MAML2: variants seen among roughly 807,000 people sequenced by gnomAD.
The protein encoded by MAML2 is mastermind-like protein 2.
Under a neutral mutation model 96.1 loss-of-function variants are expected in MAML2, and 22 were observed. That is an observed-to-expected ratio of 0.23 (90% CI 0.16 to 0.33). The LOEUF (loss-of-function observed/expected upper bound fraction) is 0.33. Among genes scored for constraint, MAML2 ranks in the 10% least tolerant of loss-of-function variants. The pLI, the probability that MAML2 is intolerant of heterozygous loss-of-function variation, is 1.00. For synonymous variants in MAML2, 561 were observed against 521.3 expected (o/e 1.08, Z -1.04); for missense variants, 1,367 against 1,392.4 (o/e 0.98, Z 0.29).
rs113752139 is a variant in MAML2, at chr11:96,335,274, A to G, written c.513+6109T>C. Among the ~76,000 whole-genome samples, 467 of 152,344 alleles carry G rather than the reference A, an allele frequency of 3.1e-3. 3 individuals are homozygous for G. The highest frequency in any genetic ancestry group is 0.01 in the African/African-American group (431 of 41,588). On this transcript the variant is annotated intron_variant, in intron 1 of 4. Transcript: ENST00000524717. ...ATGCTTTTCTCACGAATTTTTGTTC[A>G]TGATTTTTTTAATAATGAGAATACC...
chr11:96,260,376 C>T (rs956123061), intron 1 of MAML2, among the ~76,000 whole-genome samples: 1 of 152,210 alleles, frequency 6.6e-6, no homozygotes, highest in African/African-American at 2.4e-5. Context: ...ACACCCTTCT[C>T]AACTGTCTTA....
intron 1 of MAML2, among the ~76,000 whole-genome samples, chr11:96,243,943 G>C (rs558650367): frequency 6.6e-6 from 1 of 152,314 alleles, no homozygotes; most frequent in African/African-American, 2.4e-5. Context: ...GCCCGGCCCA[G>C]TCATCCTTCT....
At chr11:96,013,103 G>A (rs1169563819) in intron 2 of MAML2, among the ~76,000 whole-genome samples, 1 of 152,206 alleles carries the variant, frequency 6.6e-6, no homozygotes, top group Non-Finnish European at 1.5e-5. Context: ...GAGCTCAGGT[G>A]AAAAGAGAGA....
intron 1 of MAML2, among the ~76,000 whole-genome samples, chr11:96,101,912 T>C (rs926875368): frequency 6.6e-6 from 1 of 152,238 alleles, no homozygotes; most frequent in Non-Finnish European, 1.5e-5. Flanking sequence ...TCTATAAGGG[T>C]GCCTACATCA....
At chr11:96,252,021 C>A (rs1022104145) in intron 1 of MAML2, among the ~76,000 whole-genome samples, 1 of 152,040 alleles carries the variant, frequency 6.6e-6, no homozygotes, top group Non-Finnish European at 1.5e-5. Flanking sequence ...CATGAGCCAC[C>A]GCGCCCAGTC....
intron 1 of MAML2, among the ~76,000 whole-genome samples, chr11:96,114,574 G>A (rs1591021435): frequency 6.6e-6 from 1 of 152,140 alleles, no homozygotes; most frequent in African/African-American, 2.4e-5. Context: ...GATTTATATT[G>A]TTGGCTGTGC....
intron 1 of MAML2, among the ~76,000 whole-genome samples, chr11:96,341,046 G>T (rs929008601): frequency 1.3e-5 from 2 of 152,152 alleles, no homozygotes; most frequent in Admixed American, 6.5e-5. Flanking sequence ...AAAGCTGGAG[G>T]ATCCATGAGA....
chr11:96,122,503 T>G (rs1473637874), intron 1 of MAML2, among the ~76,000 whole-genome samples: 12 of 94,364 alleles, frequency 1.3e-4, no homozygotes, highest in Admixed American at 6.2e-4. Context: ...GCTGGGTGTG[T>G]GTGTGTGTGT....
At chr11:96,048,138 C>T (rs1276283020) in intron 2 of MAML2, among the ~76,000 whole-genome samples, 1 of 152,090 alleles carries the variant, frequency 6.6e-6, no homozygotes, top group Non-Finnish European at 1.5e-5. Flanking sequence ...CCAGTACCCA[C>T]TCTAGTTACC....
chr11:96,131,959 G>A (rs11604533), intron 1 of MAML2, among the ~76,000 whole-genome samples: 20,891 of 152,168 alleles, frequency 0.14, 1,621 homozygotes, highest in African/African-American at 0.18. Flanking sequence ...GCAGTGAGCC[G>A]AGACTGTGCT....
intron 2 of MAML2, among the ~76,000 whole-genome samples, chr11:96,028,560 T>C (rs1165383509): frequency 6.6e-6 from 1 of 152,232 alleles, no homozygotes; most frequent in East Asian, 1.9e-4. Flanking sequence ...TTCACTCCTA[T>C]ATCCTTAGTG....
At chr11:96,093,814 A>C (rs886068566) in intron 1 of MAML2, among the ~76,000 whole-genome samples, 1 of 152,244 alleles carries the variant, frequency 6.6e-6, no homozygotes, top group Non-Finnish European at 1.5e-5. Flanking sequence ...CAAATATCAT[A>C]AGAAGTTATT....
At chr11:96,193,279 GA>G (rs1336243403) in intron 1 of MAML2, among the ~76,000 whole-genome samples, 3 of 152,186 alleles carry the variant, frequency 2.0e-5, no homozygotes, top group Non-Finnish European at 4.4e-5. Flanking sequence ...TGAGACAGGA[GA>G]ATCATTTGAA....
chr11:96,138,378 C>T (rs539523162), intron 1 of MAML2, among the ~76,000 whole-genome samples: 2 of 152,238 alleles, frequency 1.3e-5, no homozygotes, highest in South Asian at 4.2e-4. Flanking sequence ...TGTATAGCTC[C>T]TAACTCTGAA....
chr11:96,225,832 C>CAA (rs36112117), intron 1 of MAML2, among the ~76,000 whole-genome samples: 23,239 of 144,966 alleles, frequency 0.16, 1,910 homozygotes, highest in Non-Finnish European at 0.19. Flanking sequence ...GACACTATCT[C>CAA]AAAAAAAAAA....
intron 1 of MAML2, among the ~76,000 whole-genome samples, chr11:96,119,323 G>A (rs750235946): frequency 6.6e-6 from 1 of 152,198 alleles, no homozygotes; most frequent in Non-Finnish European, 1.5e-5. Flanking sequence ...CAAGGAAGGA[G>A]GCAGGAGAGC....
At chr11:96,141,639 A>G (rs951004447) in intron 1 of MAML2, among the ~76,000 whole-genome samples, 1 of 152,240 alleles carries the variant, frequency 6.6e-6, no homozygotes, top group Non-Finnish European at 1.5e-5. Context: ...CTGAGCACAG[A>G]AGACCTCCTC....
chr11:96,207,843 G>T (rs1040591836), intron 1 of MAML2, among the ~76,000 whole-genome samples: 1 of 152,200 alleles, frequency 6.6e-6, no homozygotes, highest in Non-Finnish European at 1.5e-5. Flanking sequence ...CCTGGCTTGT[G>T]TAAACATATA....
chr11:96,306,225 T>C (rs1250427165), intron 1 of MAML2, among the ~76,000 whole-genome samples: 1 of 152,186 alleles, frequency 6.6e-6, no homozygotes, highest in Admixed American at 6.5e-5. Flanking sequence ...AGTTAACATG[T>C]TGACATCTGT....
Sources: allele counts gnomAD v4.1 joint callset (sites outside exome capture counted in the v4.1 genomes callset), GRCh38; gene constraint gnomAD v4.1.1; transcripts MANE v1.5; gene names NCBI Gene and HGNC (gene_info 2026-07-23, HGNC 2026-07-21).